Variants in CAMTA1 observed in about 807,000 individuals in gnomAD.
CAMTA1 encodes calmodulin-binding transcription activator 1.
In CAMTA1, 27 loss-of-function variants were observed where a neutral mutation model predicts 170.9. The observed-to-expected ratio is 0.16, with a 90% CI of 0.12 to 0.22. The LOEUF is 0.22. Among genes scored for constraint, CAMTA1 ranks in the 10% least tolerant of loss-of-function variants. CAMTA1 has a pLI of 1.00. For missense variants in CAMTA1, 1,619 were observed against 2,217.2 expected (o/e 0.73, Z 5.42); for synonymous variants, 833 against 891.5 (o/e 0.93, Z 1.17).
chr1:7,276,647 C>T (rs1670775320), intron 5 of CAMTA1, among the ~76,000 whole-genome samples: 1 of 151,956 alleles, frequency 6.6e-6, no homozygotes, highest in Non-Finnish European at 1.5e-5. Flanking sequence ...GTACTTCCTT[C>T]TAAGACTGGG....
chr1:7,106,374 G>A (rs1408889613), intron 4 of CAMTA1, among the ~76,000 whole-genome samples: 1 of 151,998 alleles, frequency 6.6e-6, no homozygotes, highest in Non-Finnish European at 1.5e-5. Context: ...GGGAGATGGA[G>A]GGAGAAAGAA....
At chr1:7,132,852 A>G (rs981595120) in intron 4 of CAMTA1, among the ~76,000 whole-genome samples, 7 of 152,140 alleles carry the variant, frequency 4.6e-5, no homozygotes, top group Admixed American at 6.5e-5. Context: ...GTTCTTCTGT[A>G]CCTATTGACG....
intron 5 of CAMTA1, among the ~76,000 whole-genome samples, chr1:7,382,110 T>G (rs1019571853): frequency 1.1e-4 from 16 of 152,220 alleles, no homozygotes; most frequent in African/African-American, 3.9e-4. Flanking sequence ...AGAACAACGC[T>G]TTTGCCTGTA....
intron 3 of CAMTA1, among the ~76,000 whole-genome samples, chr1:7,078,425 ACT>A (rs1479428039): frequency 6.6e-6 from 1 of 151,876 alleles, no homozygotes; most frequent in Admixed American, 6.6e-5. Flanking sequence ...GTCTTCAGAC[ACT>A]CTCTCTCCCT....
intron 5 of CAMTA1, among the ~76,000 whole-genome samples, chr1:7,253,240 C>T (rs955484293): frequency 4.6e-5 from 7 of 152,136 alleles, no homozygotes; most frequent in African/African-American, 9.7e-5. Context: ...TCTCAGAGAG[C>T]GAAGAGCTGG....
intron 6 of CAMTA1, among the ~76,000 whole-genome samples, chr1:7,500,985 C>G (rs1271875260): frequency 6.6e-6 from 1 of 152,150 alleles, no homozygotes; most frequent in Non-Finnish European, 1.5e-5. Context: ...CCCCAGGGGA[C>G]TGAGGTAGGG....
At chr1:7,237,137 G>T (rs1664028579) in intron 4 of CAMTA1, among the ~76,000 whole-genome samples, 1 of 152,212 alleles carries the variant, frequency 6.6e-6, no homozygotes. Context: ...TAGGGTTTGG[G>T]TTCCAGCTGG....
At chr1:7,757,960 T>G (rs1364024637) in intron 22 of CAMTA1, among the ~76,000 whole-genome samples, 1 of 151,798 alleles carries the variant, frequency 6.6e-6, no homozygotes, top group South Asian at 2.1e-4. Context: ...CTCGGAGACG[T>G]TTTTTTTGAA....
chr1:6,867,191 C>T (rs937155842), intron 3 of CAMTA1, among the ~76,000 whole-genome samples: 1 of 152,162 alleles, frequency 6.6e-6, no homozygotes, highest in South Asian at 2.1e-4. Flanking sequence ...TCCAAAGTTT[C>T]CTGGTGCCTT....
At chr1:6,823,332 AGAACTTTCTAT>A (rs1646735680) in intron 2 of CAMTA1, among the ~76,000 whole-genome samples, 1 of 152,176 alleles carries the variant, frequency 6.6e-6, no homozygotes, top group African/African-American at 2.4e-5. Context: ...TAATTCATAC[AGAACTTTCTAT>A]GAACTTTCTT....
chr1:7,747,549 C>G (rs2096865530), intron 18 of CAMTA1, among the ~76,000 whole-genome samples, 161 bp from the exon 19 acceptor site: 1 of 152,150 alleles, frequency 6.6e-6, no homozygotes, highest in Non-Finnish European at 1.5e-5. Flanking sequence ...AAGGTTTATT[C>G]TATAAATTCA....
chr1:7,298,970 A>C (rs1223110878), intron 5 of CAMTA1, among the ~76,000 whole-genome samples: 1 of 152,182 alleles, frequency 6.6e-6, no homozygotes, highest in African/African-American at 2.4e-5. Context: ...CTTTTGTAGC[A>C]ATGAGCTAAG....
chr1:7,736,505 C>T lies in CAMTA1; in HGVS notation c.3228C>T (p.Gly1076=). ...TACTCCACCTGGCCGCTGCCCAGGG[C>T]TATGCCACCCTAATCCAGACCCTCA... ...MTLLHLAAAQ[G]YATLIQTLIK... Residue 1076 remains glycine (G), a synonymous_variant, in exon 13 of 23, where the codon GGC becomes GGT. Transcript: ENST00000303635. The surrounding 1 kb of genome is among the most constrained non-coding windows in gnomAD (Gnocchi z 4.5). The T allele has an allele frequency of 6.2e-7, 1 of 1,614,170 alleles. No individual in the cohort carries two copies. The highest frequency in any genetic ancestry group is 8.5e-7 in the Non-Finnish European group (1 of 1,180,032).
chr1:6,848,853 TGAAGAG>T (rs1170645222), intron 3 of CAMTA1, among the ~76,000 whole-genome samples: 88 of 152,266 alleles, frequency 5.8e-4, no homozygotes, highest in Non-Finnish European at 6.3e-4. Flanking sequence ...TCTTAATAGA[TGAAGAG>T]GAGAGGGAGA....
At chr1:7,469,132 G>A (rs947572467) in intron 6 of CAMTA1, among the ~76,000 whole-genome samples, 19 of 152,172 alleles carry the variant, frequency 1.2e-4, no homozygotes, top group African/African-American at 4.3e-4. Flanking sequence ...GAGACCATCC[G>A]GGGACGTGCT....
Position 7,651,658 on chromosome 1 carries a change from C to A in CAMTA1, c.665-10068C>A, listed in dbSNP as rs12081409. 4.0e-3 allele frequency among the ~76,000 whole-genome samples: 607 copies of A among 152,384 alleles called. 6 individuals carry two copies. The highest frequency in any genetic ancestry group is 0.014 in the African/African-American group (588 of 41,590). On this transcript the variant is annotated intron_variant, in intron 7 of 22. Coordinates refer to ENST00000303635, the MANE Select transcript of CAMTA1 (RefSeq NM_015215.4). Reference sequence around the variant, plus strand: ...AGATCTCCTGTGGATGCCATCACATCAGAATCCAGGGGTGGGGCCACCTAC... The same window carrying A: ...AGATCTCCTGTGGATGCCATCACATAAGAATCCAGGGGTGGGGCCACCTAC...
At chr1:7,688,701 GC>G (rs2096279558) in intron 11 of CAMTA1, among the ~76,000 whole-genome samples, 1 of 152,152 alleles carries the variant, frequency 6.6e-6, no homozygotes, top group African/African-American at 2.4e-5. Context: ...TCTAACTGGG[GC>G]CAAGGACAAA....
chr1:7,334,291 A>G (rs1264502297), intron 5 of CAMTA1, among the ~76,000 whole-genome samples: 6 of 152,282 alleles, frequency 3.9e-5, no homozygotes, highest in African/African-American at 1.4e-4. Context: ...CTTCATCACA[A>G]ATACTCTTGG....
At chr1:7,662,273 A>T (rs576610788) in intron 8 of CAMTA1, among the ~76,000 whole-genome samples, 1 of 152,224 alleles carries the variant, frequency 6.6e-6, no homozygotes, top group African/African-American at 2.4e-5. Flanking sequence ...CGCAGGCGCA[A>T]CCTCTTTCTT....
Sources: allele counts gnomAD v4.1 joint callset (sites outside exome capture counted in the v4.1 genomes callset), GRCh38; gene constraint gnomAD v4.1.1; non-coding constraint Gnocchi (gnomAD v3.1); transcripts MANE v1.5; gene names NCBI Gene and HGNC (gene_info 2026-07-23, HGNC 2026-07-21).